Variants in FMN1 observed in about 807,000 individuals in gnomAD.
FMN1 encodes formin-1.
In FMN1, 110 loss-of-function variants were observed where a neutral mutation model predicts 132.4. The ratio of observed to expected loss-of-function variants is 0.83; its 90% confidence interval spans 0.71 to 0.97. The LOEUF (loss-of-function observed/expected upper bound fraction) is 0.97, where lower values mean the gene tolerates loss of function less well. FMN1 is among the 50% of genes least tolerant of loss of function. The pLI, the probability that FMN1 is intolerant of heterozygous loss-of-function variation, is 0.00. For synonymous variants in FMN1, 722 were observed against 651.7 expected, an observed-to-expected ratio of 1.11 and a Z score of -1.64; for missense variants, 1,792 against 1,705.3, an observed-to-expected ratio of 1.05 and a Z score of -0.90.
At chr15:32,806,973 C>T (rs113263041) in intron 17 of FMN1, among the ~76,000 whole-genome samples, 2,193 of 152,310 alleles carry the variant, frequency 0.014, 25 homozygotes, top group African/African-American at 0.018. Context: ...GTTTATCATG[C>T]AACAACTGAA....
intron 4 of FMN1, among the ~76,000 whole-genome samples, chr15:33,146,898 C>T (rs1372961977): frequency 1.3e-5 from 2 of 152,092 alleles, no homozygotes; most frequent in Non-Finnish European, 2.9e-5. Context: ...TAAAACAAAA[C>T]AGGCCGTGGC....
chr15:33,169,954 A>G (rs1307259183), intron 3 of FMN1, among the ~76,000 whole-genome samples: 1 of 152,072 alleles, frequency 6.6e-6, no homozygotes, highest in African/African-American at 2.4e-5. Flanking sequence ...AGAGGTCAGG[A>G]TTACCAAGAA....
intron 8 of FMN1, among the ~76,000 whole-genome samples, chr15:32,967,171 C>T (rs987654096): frequency 2.6e-5 from 4 of 152,204 alleles, no homozygotes; most frequent in Non-Finnish European, 4.4e-5. Context: ...CTTCTCAAAA[C>T]GGCCAACTAA....
intron 6 of FMN1, among the ~76,000 whole-genome samples, chr15:33,037,851 T>A (rs1381500920): frequency 6.6e-6 from 1 of 152,266 alleles, no homozygotes; most frequent in Admixed American, 6.5e-5. Flanking sequence ...TATTTTTAAG[T>A]TGACATCCAA....
Position 32,841,007 on chromosome 15 carries a change from A to G in FMN1, c.3928+16008T>C, listed in dbSNP as rs183421879. On this transcript the variant is annotated intron_variant, in intron 17 of 20. Transcript: ENST00000616417. ...TTACAGACAGAAACAAAATTTAAAAACAAACAAACCACCAGCATTTATCAC... is the reference window on the plus strand; with the variant it reads ...TTACAGACAGAAACAAAATTTAAAAGCAAACAAACCACCAGCATTTATCAC... Among the ~76,000 whole-genome samples the G allele has an allele frequency of 8.5e-3, 1,292 of 152,312 alleles. 12 individuals carry two copies. The highest frequency in any genetic ancestry group is 0.024 in the Middle Eastern group (7 of 294).
chr15:32,789,748 T>C (rs11632517), intron 19 of FMN1, among the ~76,000 whole-genome samples: 38,495 of 152,136 alleles, frequency 0.25, 4,945 homozygotes, highest in Non-Finnish European at 0.28. Context: ...CCTCCATTCA[T>C]GGTTAAGCGC....
intron 9 of FMN1, among the ~76,000 whole-genome samples, chr15:32,934,444 T>C (rs971589410): frequency 4.6e-5 from 7 of 152,186 alleles, no homozygotes; most frequent in Non-Finnish European, 8.8e-5. Context: ...TGCGCTTTCA[T>C]ATGCTTTTGT....
At chr15:33,057,846 T>C (rs941080339) in intron 6 of FMN1, among the ~76,000 whole-genome samples, 1 of 152,068 alleles carries the variant, frequency 6.6e-6, no homozygotes, top group Non-Finnish European at 1.5e-5. Context: ...GAAGAAAAAA[T>C]TGTTATTTAC....
chr15:32,871,154 T>C (rs1031836979), intron 16 of FMN1, among the ~76,000 whole-genome samples: 1 of 152,144 alleles, frequency 6.6e-6, no homozygotes, highest in Admixed American at 6.5e-5. Flanking sequence ...AGCGACTAAC[T>C]TCTAAAAAGT....
At chr15:33,040,716 A>C (rs1039592026) in intron 6 of FMN1, among the ~76,000 whole-genome samples, 1 of 152,332 alleles carries the variant, frequency 6.6e-6, no homozygotes, top group Admixed American at 6.5e-5. Context: ...ATCCCCCAGG[A>C]GTCATCCTAG....
intron 18 of FMN1, among the ~76,000 whole-genome samples, chr15:32,801,351 T>G (rs1332611113): frequency 6.6e-6 from 1 of 152,190 alleles, no homozygotes; most frequent in African/African-American, 2.4e-5. Flanking sequence ...TTTTTTCTTA[T>G]GTGTTTTGGA....
chr15:33,085,130 C>A (rs981598786), intron 5 of FMN1, among the ~76,000 whole-genome samples: 1 of 152,032 alleles, frequency 6.6e-6, no homozygotes, highest in African/African-American at 2.4e-5. Flanking sequence ...TTTCTGTAAG[C>A]TATTGGGAAA....
chr15:32,911,029 T>C (rs548715535), intron 10 of FMN1, among the ~76,000 whole-genome samples: 1 of 152,322 alleles, frequency 6.6e-6, no homozygotes, highest in African/African-American at 2.4e-5. Flanking sequence ...CTTGTTTGGA[T>C]TAAAAAGACA....
At chr15:33,177,031 C>T (rs1360218962) in intron 3 of FMN1, among the ~76,000 whole-genome samples, 1 of 152,220 alleles carries the variant, frequency 6.6e-6, no homozygotes, top group Non-Finnish European at 1.5e-5. Flanking sequence ...GTACTGGCCA[C>T]TCTTCCAAGG....
At chr15:32,976,987 T>C (rs1225302380) in intron 7 of FMN1, among the ~76,000 whole-genome samples, 3 of 152,136 alleles carry the variant, frequency 2.0e-5, no homozygotes, top group Non-Finnish European at 4.4e-5. Context: ...AGCTGAAAAA[T>C]AGTAACAAGG....
chr15:32,984,171 A>G (rs919488024), intron 7 of FMN1, among the ~76,000 whole-genome samples: 5 of 152,300 alleles, frequency 3.3e-5, no homozygotes, highest in African/African-American at 7.2e-5. Flanking sequence ...ACTATCTTCT[A>G]TTCTCAAGCC....
At chr15:32,936,659 G>T (rs1489624943) in intron 9 of FMN1, among the ~76,000 whole-genome samples, 1 of 151,840 alleles carries the variant, frequency 6.6e-6, no homozygotes, top group Non-Finnish European at 1.5e-5. Flanking sequence ...GGAGTGGGAG[G>T]AAGAGGAGAA....
chr15:32,887,031 A>G (rs1393567300), intron 16 of FMN1, among the ~76,000 whole-genome samples: 2 of 152,220 alleles, frequency 1.3e-5, no homozygotes, highest in Non-Finnish European at 2.9e-5. Flanking sequence ...AAAATAATAT[A>G]CAAGATAAAA....
chr15:32,794,829 G>T (rs1358328034), intron 19 of FMN1, among the ~76,000 whole-genome samples: 1 of 152,144 alleles, frequency 6.6e-6, no homozygotes, highest in East Asian at 1.9e-4. Flanking sequence ...CATCGTAAAT[G>T]CAATGTTGGA....
Sources: gnomAD v4.1 joint callset for allele counts (sites outside exome capture counted in the v4.1 genomes callset) on GRCh38, gnomAD v4.1.1 for gene constraint, MANE v1.5 for transcripts, NCBI Gene and HGNC (gene_info 2026-07-23, HGNC 2026-07-21) for gene names.